The following TUBGCP5 variants were observed in gnomAD, a reference collection of about 807,000 sequenced individuals.
The protein encoded by TUBGCP5 is gamma-tubulin complex component 5.
In TUBGCP5, 98 loss-of-function variants were observed where a neutral mutation model predicts 134.7. The ratio of observed to expected loss-of-function variants is 0.73; its 90% CI spans 0.62 to 0.86. The LOEUF (loss-of-function observed/expected upper bound fraction) is 0.86, where lower values mean the gene tolerates loss of function less well. Ranked by LOEUF, TUBGCP5 falls within the 40% of genes least tolerant of loss-of-function variation. The probability of loss-of-function intolerance (pLI) is 0.00; values close to 1 mark genes in which losing one functional copy is unlikely to be tolerated. For synonymous variants in TUBGCP5, 456 were observed against 431.4 expected, an observed-to-expected ratio of 1.06 and a Z score of -0.71; for missense variants, 1,150 against 1,244.8, an observed-to-expected ratio of 0.92 and a Z score of 1.15.
intron 23 of TUBGCP5, among the ~76,000 whole-genome samples, chr15:22,986,138 A>ATAAT (rs1555430368): frequency 1.5e-5 from 2 of 129,652 alleles, no homozygotes; most frequent in African/African-American, 6.3e-5. Context: ...TGTCTCAAAA[A>ATAAT]AAAAAAAAAA....
rs780233883 is a variant in TUBGCP5 at position 23,019,302 on chromosome 15, C to T, written c.1404G>A (p.Thr468=). Residue 468 remains threonine, a synonymous_variant, in exon 12 of 23, where the codon ACG becomes ACA. Coordinates refer to ENST00000615383, the MANE Select transcript of TUBGCP5 (RefSeq NM_052903.6). ...VSLLFSLWVE[T]VRPYLQTVDE... is the part of the protein sequence containing the mutation. Reference sequence around the variant, plus strand: ...CCACCGTCTGCAGGTAAGGCCGCACCGTTTCCACCCAGAGAGAGAAAAGGA... The same window carrying T: ...CCACCGTCTGCAGGTAAGGCCGCACTGTTTCCACCCAGAGAGAGAAAAGGA... 7.7e-5 allele frequency: 124 copies of T among 1,613,760 alleles called. 1 individual carries two copies. The highest frequency in any genetic ancestry group is 9.9e-5 in the Non-Finnish European group (117 of 1,179,948).
intron 7 of TUBGCP5, 138 bp from the exon 8 acceptor site, chr15:23,026,343 C>T (rs1009444160): frequency 9.0e-6 from 6 of 663,156 alleles, no homozygotes; most frequent in Middle Eastern, 3.7e-4. Flanking sequence ...GCTTAAATGC[C>T]CCCTATATTT....
Position 23,027,252 on chromosome 15 carries a change from G to A in TUBGCP5, c.677C>T (p.Thr226Ile). 1.2e-6 allele frequency: 2 copies of A among 1,614,076 alleles called. No homozygotes were observed. Among genetic ancestry groups the A allele is most frequent in the Non-Finnish European group, 1.7e-6 (2 of 1,179,990 alleles). ...LEHHVVHQYW[T>I]ARPSQFPHSL... is the part of the protein sequence containing the mutation. Reference sequence around the variant, plus strand: ...ATGAGGAAACTGGGAGGGCCTGGCTGTCCAGTACTGATGGACCACATGATG... The same window carrying A: ...ATGAGGAAACTGGGAGGGCCTGGCTATCCAGTACTGATGGACCACATGATG... Residue 226 changes from threonine to isoleucine, a missense_variant, in exon 7 of 23, where the codon ACA becomes ATA. This residue lies in a region of TUBGCP5 where 453 missense variants were observed against 394.7 expected (regional missense o/e 1.15). Transcript: ENST00000615383.
At position 23,013,991 on chromosome 15, in the gene TUBGCP5, G is replaced by C. The variant is rs1416463284; in HGVS notation, c.1757-2660C>G. ...GGCCCAGGATCGACTGGTGATTCTG[G>C]TCCTGCACAGCAGAAAAACCAGCCC... On this transcript the variant is annotated intron_variant, in intron 13 of 22. Coordinates refer to ENST00000615383, the MANE Select transcript of TUBGCP5 (RefSeq NM_052903.6). The surrounding 1 kb of genome is among the most constrained non-coding windows in gnomAD (Gnocchi z 4.5). Among the ~76,000 whole-genome samples, 1 of 152,134 alleles carries C rather than the reference G, an allele frequency of 6.6e-6. No homozygotes were observed. The highest frequency in any genetic ancestry group is 1.5e-5 in the Non-Finnish European group (1 of 68,004).
chr15:23,000,596 C>T lies in TUBGCP5; in HGVS notation c.3001G>A (p.Ala1001Thr). Residue 1001 changes from alanine (A) to threonine (T), a missense_variant, in exon 22 of 23, where the codon GCC (alanine) becomes ACC (threonine). Around this residue, in one of 2 missense-constraint regions of TUBGCP5, gnomAD observed 697 missense variants for 850.1 expected, o/e 0.82. Coordinates refer to ENST00000615383, the MANE Select transcript of TUBGCP5 (RefSeq NM_052903.6). ...TGGGGAAAGGATCCTCTACAGACGG[C>T]TTTGTTTAAAATGGTTACAAGAAAC... is the stretch of plus-strand genomic sequence containing the variant. ...HMFLVTILNK[A>T]VCRGSFPHLE... 1 of 1,611,954 alleles carries T rather than the reference C, an allele frequency of 6.2e-7. No individual in the cohort carries two copies. The highest frequency in any genetic ancestry group is 8.5e-7 in the Non-Finnish European group (1 of 1,178,630).
chr15:22,995,952 G>C (rs902677661), downstream of TUBGCP5, among the ~76,000 whole-genome samples: 1 of 152,292 alleles, frequency 6.6e-6, no homozygotes, highest in African/African-American at 2.4e-5. Flanking sequence ...TCGTTATGTG[G>C]ATGAGCTGTG....
At chr15:23,034,905 C>G (rs974242509) in intron 3 of TUBGCP5, among the ~76,000 whole-genome samples, 3 of 151,802 alleles carry the variant, frequency 2.0e-5, no homozygotes, top group Non-Finnish European at 2.9e-5. Context: ...AAAACTGATT[C>G]GCTGAAGAGA....
chr15:23,008,906 A>G, intron 15 of TUBGCP5, 25 bp from the exon 16 acceptor site: 1 of 1,518,260 alleles, frequency 6.6e-7, no homozygotes. Flanking sequence ...AATGAGTGAC[A>G]CTAAGATCTC....
In TUBGCP5 at chr15:23,005,435, G is replaced by A. The variant is rs140329301; in HGVS notation, c.2709C>T (p.Thr903=). 2.5e-6 allele frequency: 4 copies of A among 1,613,586 alleles called. No homozygotes were observed. The African/African-American group carries it at 5.3e-5, about 22-fold the overall frequency. Residue 903 remains threonine, a synonymous_variant, in exon 19 of 23, where the codon ACC becomes ACT. Coordinates refer to ENST00000615383, the MANE Select transcript of TUBGCP5 (RefSeq NM_052903.6). ...FVNSLHNYIM[T]RILHSTGLEF... ...AGCAGATGGGAGAGGCACAAACCCT[G>A]GTCATGATGTAGTTGTGCAAGCTGT... is the stretch of plus-strand genomic sequence containing the variant.
intron 15 of TUBGCP5, among the ~76,000 whole-genome samples, chr15:23,009,425 C>T (rs569322193): frequency 6.7e-4 from 102 of 152,054 alleles, no homozygotes; most frequent in African/African-American, 2.3e-3. Flanking sequence ...CCCGGCACCA[C>T]GCCCGGCGAA....
At chr15:23,005,183 C>T (rs1417977222) in intron 19 of TUBGCP5, among the ~76,000 whole-genome samples, 1 of 152,106 alleles carries the variant, frequency 6.6e-6, no homozygotes, top group South Asian at 2.1e-4. Context: ...TTCCAGAAGA[C>T]GAGCTGTGGC....
At chr15:23,030,860 G>A in intron 6 of TUBGCP5, 25 bp downstream of exon 6, 1 of 1,598,522 alleles carries the variant, frequency 6.3e-7, no homozygotes, top group Non-Finnish European at 8.5e-7. Context: ...ATTAGAAAAT[G>A]CGAGCACCTC....
At chr15:23,035,051 G>A (rs962740615) in intron 3 of TUBGCP5, among the ~76,000 whole-genome samples, 1 of 151,900 alleles carries the variant, frequency 6.6e-6, no homozygotes, top group African/African-American at 2.4e-5. Flanking sequence ...AAAGAAGCTC[G>A]GCATGGTGGC....
intron 19 of TUBGCP5, 80 bp downstream of exon 19, chr15:23,005,352 T>C (rs915972457): frequency 2.0e-6 from 3 of 1,486,422 alleles, no homozygotes; most frequent in Admixed American, 4.2e-5. Context: ...TTTTTACTTA[T>C]AAACATAGTA....
Position 23,039,491 on chromosome 15 carries a change from TCG to T in TUBGCP5, c.51_52del (p.Asp18ArgfsTer52). On this transcript the variant is annotated frameshift_variant, in exon 1 of 23. Coordinates refer to ENST00000615383, the MANE Select transcript of TUBGCP5 (RefSeq NM_052903.6). LOFTEE classifies it high-confidence loss of function. ...GACACCCCGGACGAGCTCCCGCACG[TCG>T]CGCTCCTGCTGCGCGTCCAACCGAC... 1 of 1,523,066 alleles carries T rather than the reference TCG, an allele frequency of 6.6e-7. No individual in the cohort carries two copies. Among genetic ancestry groups the T allele is most frequent in the Non-Finnish European group, 8.8e-7 (1 of 1,130,436 alleles). The allele number at this position is 1,523,066 out of a possible 1,614,324, so 94.3% of individuals were successfully genotyped here. A position where few individuals can be genotyped will look rare whatever the true frequency, so the allele number is the denominator to read the frequency against.
chr15:23,036,114 G>A (rs958597676), intron 3 of TUBGCP5, among the ~76,000 whole-genome samples: 7 of 152,190 alleles, frequency 4.6e-5, no homozygotes, highest in African/African-American at 1.7e-4. Flanking sequence ...GGAACCCACA[G>A]CTGTTTCCAT....
intron 12 of TUBGCP5, 124 bp downstream of exon 12, chr15:23,019,095 C>CT: frequency 1.7e-6 from 1 of 585,032 alleles, no homozygotes; most frequent in Non-Finnish European, 2.9e-6. Flanking sequence ...ATGATGACGA[C>CT]AAGTTCTGTG....
intron 21 of TUBGCP5, among the ~76,000 whole-genome samples, chr15:23,002,450 G>A (rs924117201): frequency 3.3e-5 from 5 of 152,172 alleles, no homozygotes; most frequent in South Asian, 2.1e-4. Flanking sequence ...CTGTACACTG[G>A]AGTTAACAGT....
In TUBGCP5 at chr15:23,026,214, C is replaced by T. The variant is rs1262715388; in HGVS notation, c.738-9G>A. ...TGTACAAGTGTTGGTCCCTATGAGA[C>T]AGCAAACATAAATGTCAATAGAAAG... On this transcript the variant is annotated splice_polypyrimidine_tract_variant and intron_variant, in intron 7 of 22. Transcript: ENST00000615383. 31 of 1,610,120 alleles carry T rather than the reference C, an allele frequency of 1.9e-5. No individual in the cohort carries two copies. Among genetic ancestry groups the T allele is most frequent in the Non-Finnish European group, 2.6e-5 (31 of 1,177,070 alleles).
Sources: allele counts gnomAD v4.1 joint callset (sites outside exome capture counted in the v4.1 genomes callset), GRCh38; gene constraint gnomAD v4.1.1; regional missense constraint gnomAD v4.1.1; non-coding constraint Gnocchi (gnomAD v3.1); transcripts MANE v1.5; gene names NCBI Gene and HGNC (gene_info 2026-07-23, HGNC 2026-07-21).